Variants in PLB1 observed in about 807,000 individuals in gnomAD.
PLB1 encodes the protein phospholipase B1.
Under a neutral mutation model 227.4 loss-of-function variants are expected in PLB1, and 242 were observed. The ratio of observed to expected loss-of-function variants is 1.06; its 90% CI spans 0.96 to 1.18. PLB1 has a LOEUF of 1.18. PLB1 is among the 50% of genes most tolerant of loss of function. The pLI, the probability that PLB1 is intolerant of heterozygous loss-of-function variation, is 0.00. For synonymous variants in PLB1, 757 were observed against 682.2 expected (o/e 1.11, Z -1.71); for missense variants, 1,858 against 1,816.3 (o/e 1.02, Z -0.42).
intron 22 of PLB1, 123 bp downstream of exon 22, chr2:28,578,281 C>T: frequency 1.1e-6 from 1 of 873,004 alleles, no homozygotes; most frequent in Non-Finnish European, 1.9e-6. Flanking sequence ...AAGCCTAAAA[C>T]ACTGCTTCTC....
chr2:28,600,924 C>T (rs967958204), intron 36 of PLB1, 64 bp downstream of exon 36: 20 of 1,419,480 alleles, frequency 1.4e-5, no homozygotes, highest in African/African-American at 8.5e-5. Flanking sequence ...TGTCTCCAAA[C>T]GGAGTGGCCT....
In PLB1 at chr2:28,541,701, C is replaced by G. The variant is rs567569725; in HGVS notation, c.775-6C>G. ...TGGATGGGCACCTCTCTGCTCCCTT[C>G]TCCAGGAAGCCTGGAACAGCCTCCT... is the stretch of plus-strand genomic sequence containing the variant. On this transcript the variant is annotated splice_polypyrimidine_tract_variant and splice_region_variant and intron_variant, in intron 12 of 57. Transcript: ENST00000327757. The G allele has an allele frequency of 2.5e-6, 4 of 1,611,444 alleles. No homozygotes were observed. Among genetic ancestry groups the G allele is most frequent in the Admixed American group, 1.7e-5 (1 of 59,996 alleles).
Position 28,548,902 on chromosome 2 carries a change from C to T in PLB1, c.979C>T (p.His327Tyr). The change falls in exon 15 of 58, where the codon CAC (histidine) becomes TAC (tyrosine). Residue 327 changes from histidine to tyrosine, a missense_variant. His to Tyr is a moderately conservative substitution (Grantham distance 83). Transcript: ENST00000327757. ...GAAAGATGAGCCATTGAGTGTAAAA[C>T]ACGGGAGGCCAATGAAGTGTCCCTC... ...GEKDEPLSVK[H>Y]GRPMKCPSQE... 4 of 1,614,090 alleles carry T rather than the reference C, an allele frequency of 2.5e-6. No individual in the cohort carries two copies. Among genetic ancestry groups the T allele is most frequent in the Non-Finnish European group, 3.4e-6 (4 of 1,179,976 alleles).
At chr2:28,593,344 C>CT (rs1407576484) in intron 32 of PLB1, among the ~76,000 whole-genome samples, 1 of 152,216 alleles carries the variant, frequency 6.6e-6, no homozygotes, top group Non-Finnish European at 1.5e-5. Context: ...AGGGGCATAA[C>CT]GCTGGGAACG....
At chr2:28,611,676 G>A (rs999846431) in intron 43 of PLB1, among the ~76,000 whole-genome samples, 30 of 152,154 alleles carry the variant, frequency 2.0e-4, no homozygotes, top group Admixed American at 6.5e-4. Context: ...TTTATAGCAT[G>A]CTCCCAGATC....
At chr2:28,502,601 T>C (rs911930569) in intron 1 of PLB1, among the ~76,000 whole-genome samples, 1 of 152,210 alleles carries the variant, frequency 6.6e-6, no homozygotes, top group Non-Finnish European at 1.5e-5. Context: ...GGTGTATCTC[T>C]TTCCTTATAT....
chr2:28,589,874 T>C lies in PLB1; in HGVS notation c.2016+104T>C. ...GCCCATCGTGCAGGCCATGTGATTC[T>C]ATGCACGGCAATGACAAACAAACCC... On this transcript the variant is annotated intron_variant, in intron 28 of 57. Transcript: ENST00000327757. 9 of 1,361,242 alleles carry C rather than the reference T, an allele frequency of 6.6e-6. No individual in the cohort carries two copies. In the South Asian group the frequency reaches 1.1e-4, roughly 16 times the overall value. The allele number at this position is 1,361,242 out of a possible 1,614,324, so 84.3% of individuals were successfully genotyped here.
intron 49 of PLB1, 25 bp from the exon 50 acceptor site, chr2:28,625,032 G>T (rs748516028): frequency 6.2e-7 from 1 of 1,611,072 alleles, no homozygotes; most frequent in South Asian, 1.1e-5. Context: ...CGGCACTAAC[G>T]CCCCTCTCTC....
At chr2:28,549,931 TCAC>T (rs1232655727) in intron 15 of PLB1, 76 bp from the exon 16 acceptor site, 1 of 1,263,952 alleles carries the variant, frequency 7.9e-7, no homozygotes, top group African/African-American at 1.5e-5. Context: ...GCCAAAAGCA[TCAC>T]TGGATGCTGA....
intron 1 of PLB1, among the ~76,000 whole-genome samples, chr2:28,515,132 G>A (rs906823046): frequency 6.6e-6 from 1 of 152,226 alleles, no homozygotes; most frequent in Non-Finnish European, 1.5e-5. Context: ...AGCTGTATTT[G>A]TGTTGGCTAC....
intron 53 of PLB1, 98 bp from the exon 54 acceptor site, chr2:28,630,488 T>G: frequency 9.9e-7 from 1 of 1,012,606 alleles, no homozygotes; most frequent in Non-Finnish European, 1.5e-6. Flanking sequence ...TGCAGGCCCC[T>G]GGGGTAGTGG....
Position 28,643,386 on chromosome 2 carries a change from G to T in PLB1, c.*325G>T. 4.3e-6 allele frequency: 1 copy of T among 231,364 alleles called. No homozygotes were observed. The allele number at this position is 231,364 out of a possible 1,614,324, so 14.3% of individuals were successfully genotyped here. Reference sequence around the variant, plus strand: ...GCTGCCCAAGCCACGACCAACCAGAGCCCAAACTGCCTGCCACCACGAGCA... The same window carrying T: ...GCTGCCCAAGCCACGACCAACCAGATCCCAAACTGCCTGCCACCACGAGCA... On this transcript the variant is annotated 3_prime_UTR_variant, in exon 58 of 58. Coordinates refer to ENST00000327757, the MANE Select transcript of PLB1 (RefSeq NM_153021.5).
intron 53 of PLB1, 135 bp downstream of exon 53, chr2:28,629,320 A>G: frequency 1.5e-6 from 1 of 653,950 alleles, no homozygotes; most frequent in Non-Finnish European, 2.5e-6. Flanking sequence ...GGGCTTGGAC[A>G]ACATCAGGAA....
intron 4 of PLB1, among the ~76,000 whole-genome samples, chr2:28,523,229 A>G (rs1211588497): frequency 6.6e-6 from 1 of 152,108 alleles, no homozygotes; most frequent in East Asian, 1.9e-4. Flanking sequence ...ACACACGTGC[A>G]CACACATATA....
At chr2:28,563,651 G>T (rs1051618665) in intron 18 of PLB1, among the ~76,000 whole-genome samples, 4 of 151,750 alleles carry the variant, frequency 2.6e-5, no homozygotes, top group African/African-American at 9.7e-5. Context: ...TTCTGCATCT[G>T]CCCCCGGGTG....
chr2:28,603,228 T>TA (rs1684176903), intron 39 of PLB1, among the ~76,000 whole-genome samples: 1 of 152,110 alleles, frequency 6.6e-6, no homozygotes, highest in Admixed American at 6.5e-5. Flanking sequence ...GGGCAGTGGT[T>TA]AGGGAAGTAG....
chr2:28,516,736 G>C, intron 1 of PLB1, 72 bp from the exon 2 acceptor site: 1 of 1,357,454 alleles, frequency 7.4e-7, no homozygotes, highest in Non-Finnish European at 1.1e-6. Context: ...AGGAGGAAGG[G>C]CATGAAAGCT....
chr2:28,591,128 C>A lies in PLB1; in HGVS notation c.2089-5C>A, dbSNP rs1573237888. Reference sequence around the variant, plus strand: ...CTGCCATTGCTCACCCCCCTCTCCTCACAGGTCCAGCCGTTTCTGAGGACC... The same window carrying A: ...CTGCCATTGCTCACCCCCCTCTCCTAACAGGTCCAGCCGTTTCTGAGGACC... On this transcript the variant is annotated splice_region_variant and splice_polypyrimidine_tract_variant and intron_variant, in intron 29 of 57. Coordinates refer to ENST00000327757, the MANE Select transcript of PLB1 (RefSeq NM_153021.5). 1 of 1,614,158 alleles carries A rather than the reference C, an allele frequency of 6.2e-7. No individual in the cohort carries two copies. Among genetic ancestry groups the A allele is most frequent in the East Asian group, 2.2e-5 (1 of 44,874 alleles).
intron 22 of PLB1, among the ~76,000 whole-genome samples, chr2:28,579,150 A>G (rs1253457439): frequency 1.3e-5 from 2 of 152,248 alleles, no homozygotes; most frequent in African/African-American, 4.8e-5. Flanking sequence ...CATGGGCAGA[A>G]CTAGTCACCA....
Sources: gnomAD v4.1 joint callset for allele counts (sites outside exome capture counted in the v4.1 genomes callset) on GRCh38, gnomAD v4.1.1 for gene constraint, MANE v1.5 for transcripts, NCBI Gene and HGNC (gene_info 2026-07-23, HGNC 2026-07-21) for gene names.